The following BAZ2B variants were observed in gnomAD, a reference collection of about 807,000 sequenced individuals.
The protein encoded by BAZ2B is bromodomain adjacent to zinc finger domain 2B, also known as bromodomain adjacent to zinc finger domain protein 2B.
A neutral mutation model predicts 246.0 loss-of-function variants in BAZ2B; 91 were observed. The ratio of observed to expected loss-of-function variants is 0.37; its 90% CI spans 0.31 to 0.44. The LOEUF is 0.44. BAZ2B is among the 20% of genes least tolerant of loss of function. The probability of loss-of-function intolerance (pLI) is 1.00; values close to 1 mark genes in which losing one functional copy is unlikely to be tolerated. For synonymous variants in BAZ2B, 855 were observed against 860.0 expected, an observed-to-expected ratio of 0.99 and a Z score of 0.10; for missense variants, 2,332 against 2,533.7, an observed-to-expected ratio of 0.92 and a Z score of 1.71.
the BAZ2B span, among the ~76,000 whole-genome samples, chr2:159,660,623 T>A: frequency 3.9e-5 from 6 of 152,096 alleles, no homozygotes; most frequent in Non-Finnish European, 8.8e-5. Flanking sequence ...ATATATATAT[T>A]TTTTGAGACA....
chr2:159,336,837 A>C, intron 33 of BAZ2B, 105 bp downstream of exon 33: 2 of 1,020,624 alleles, frequency 2.0e-6, no homozygotes, highest in Non-Finnish European at 1.4e-6. Flanking sequence ...AGTATAGCAT[A>C]CATTATTATG....
chr2:159,501,240 A>T (rs1456789472), intron 2 of BAZ2B, among the ~76,000 whole-genome samples: 2 of 119,064 alleles, frequency 1.7e-5, no homozygotes, highest in Non-Finnish European at 3.4e-5. Context: ...ATATATATAT[A>T]TAAAGTAGCT....
the BAZ2B span, among the ~76,000 whole-genome samples, chr2:159,646,911 C>T: frequency 6.6e-6 from 1 of 152,310 alleles, no homozygotes; most frequent in African/African-American, 2.4e-5. Flanking sequence ...TTCTACCATT[C>T]TAACATTCTA....
At chr2:159,482,766 T>C (rs1423796170) in intron 2 of BAZ2B, among the ~76,000 whole-genome samples, 1 of 152,222 alleles carries the variant, frequency 6.6e-6, no homozygotes, top group Non-Finnish European at 1.5e-5. Context: ...ATACATTCAT[T>C]TTGTTGACAA....
At chr2:159,690,635 T>C in the BAZ2B span, among the ~76,000 whole-genome samples, 1 of 152,172 alleles carries the variant, frequency 6.6e-6, no homozygotes, top group Non-Finnish European at 1.5e-5. Flanking sequence ...CTGTATCTTT[T>C]CAGTAAAAAC....
At chr2:159,623,399 C>T in the BAZ2B span, among the ~76,000 whole-genome samples, 1 of 151,964 alleles carries the variant, frequency 6.6e-6, no homozygotes, top group African/African-American at 2.4e-5. Context: ...AAACCACACA[C>T]ACACAAAAAG....
chr2:159,614,413 AGGT>A (rs1695410072), intron 1 of BAZ2B, among the ~76,000 whole-genome samples: 1 of 152,202 alleles, frequency 6.6e-6, no homozygotes. Context: ...CATTATCTTA[AGGT>A]ATTTTCCATA....
At position 159,338,024 on chromosome 2, in the gene BAZ2B, A is replaced by T. The variant is rs372854971; in HGVS notation, c.5455-252T>A. On this transcript the variant is annotated intron_variant, in intron 31 of 36. Coordinates refer to ENST00000392783, the MANE Select transcript of BAZ2B (RefSeq NM_013450.4). ...AAAAGGTATAAGAACAATCAGCAAAATATTTTGAAGGATTTTAGACCAAAA... is the reference window on the plus strand; with the variant it reads ...AAAAGGTATAAGAACAATCAGCAAATTATTTTGAAGGATTTTAGACCAAAA... 3.6e-4 allele frequency among the ~76,000 whole-genome samples: 55 copies of T among 152,356 alleles called. No individual in the cohort carries two copies. The South Asian group carries it at 3.7e-3, about 10-fold the overall frequency.
intron 14 of BAZ2B, among the ~76,000 whole-genome samples, chr2:159,409,148 A>G (rs2066430034): frequency 6.6e-6 from 1 of 152,112 alleles, no homozygotes; most frequent in Non-Finnish European, 1.5e-5. Context: ...AATTTCAAAG[A>G]TGAAGTTTAT....
At chr2:159,432,187 TTA>T (rs1288290097) in intron 9 of BAZ2B, among the ~76,000 whole-genome samples, 1 of 152,148 alleles carries the variant, frequency 6.6e-6, no homozygotes, top group Non-Finnish European at 1.5e-5. Flanking sequence ...CTCTTGTATT[TTA>T]TGTTTTCAGT....
intron 2 of BAZ2B, among the ~76,000 whole-genome samples, chr2:159,490,003 C>T (rs1238690552): frequency 6.6e-6 from 1 of 152,164 alleles, no homozygotes; most frequent in East Asian, 1.9e-4. Flanking sequence ...TGAAAGTAAG[C>T]TGAAGCTTGG....
At chr2:159,452,145 C>T (rs528344964) in intron 4 of BAZ2B, among the ~76,000 whole-genome samples, 2 of 152,288 alleles carry the variant, frequency 1.3e-5, no homozygotes, top group African/African-American at 4.8e-5. Flanking sequence ...CTTAGCATCC[C>T]TGCTTCCCAG....
chr2:159,346,395 C>G (rs2067804444), intron 31 of BAZ2B, among the ~76,000 whole-genome samples: 1 of 152,188 alleles, frequency 6.6e-6, no homozygotes, highest in Non-Finnish European at 1.5e-5. Context: ...ATTAAGGTTT[C>G]TAAACCTTTA....
the BAZ2B span, among the ~76,000 whole-genome samples, chr2:159,683,095 T>C: frequency 6.6e-6 from 1 of 152,208 alleles, no homozygotes; most frequent in Non-Finnish European, 1.5e-5. Flanking sequence ...ATCTGTATTA[T>C]ACTTTCGACA....
At chr2:159,527,007 A>T (rs1416595760) in intron 2 of BAZ2B, among the ~76,000 whole-genome samples, 1 of 150,688 alleles carries the variant, frequency 6.6e-6, no homozygotes, top group Admixed American at 6.6e-5. Context: ...ACCATTTTAC[A>T]TTCCCACTGG....
At chr2:159,660,632 C>T in the BAZ2B span, among the ~76,000 whole-genome samples, 6 of 152,098 alleles carry the variant, frequency 3.9e-5, no homozygotes, top group Non-Finnish European at 8.8e-5. Flanking sequence ...TTTTTTGAGA[C>T]AGAGTCTCAC....
chr2:159,351,631 T>C (rs1438362306), intron 27 of BAZ2B, among the ~76,000 whole-genome samples: 1 of 152,214 alleles, frequency 6.6e-6, no homozygotes, highest in African/African-American at 2.4e-5. Context: ...ATGCTGTCAG[T>C]ATTTTTTGTC....
chr2:159,520,535 T>C (rs756849519), intron 2 of BAZ2B, among the ~76,000 whole-genome samples: 7 of 152,210 alleles, frequency 4.6e-5, no homozygotes, highest in Non-Finnish European at 5.9e-5. Flanking sequence ...ATGCTCAACA[T>C]GTAGCAAATA....
At chr2:159,560,204 A>G (rs2089687728) in intron 1 of BAZ2B, among the ~76,000 whole-genome samples, 1 of 152,226 alleles carries the variant, frequency 6.6e-6, no homozygotes, top group South Asian at 2.1e-4. Flanking sequence ...AAAAGAGTCA[A>G]TGAAATAAAT....
Sources: gnomAD v4.1 joint callset for allele counts (sites outside exome capture counted in the v4.1 genomes callset) on GRCh38, gnomAD v4.1.1 for gene constraint, MANE v1.5 for transcripts, NCBI Gene and HGNC (gene_info 2026-07-23, HGNC 2026-07-21) for gene names.